KCNMA1: variants seen among roughly 807,000 people sequenced by gnomAD.
KCNMA1 encodes potassium calcium-activated channel subfamily M alpha 1, also known as Calcium-activated potassium channel subunit alpha-1.
KCNMA1 carries 29 observed loss-of-function variants against 140.0 expected under a neutral mutation model. The ratio of observed to expected loss-of-function variants is 0.21; its 90% confidence interval spans 0.15 to 0.28. The LOEUF is 0.28. KCNMA1 is among the 10% of genes least tolerant of loss of function. The pLI is 1.00. For synonymous variants in KCNMA1, 612 were observed against 611.9 expected (o/e 1.00, Z 0.00); for missense variants, 880 against 1,602.2 (o/e 0.55, Z 7.70).
chr10:77,382,990 G>GTATA (rs1401181000), intron 2 of KCNMA1, among the ~76,000 whole-genome samples: 4 of 42,600 alleles, frequency 9.4e-5, no homozygotes, highest in African/African-American at 7.0e-4. Flanking sequence ...GTGTGTGTGT[G>GTATA]TGTGTATATA....
chr10:76,974,339 G>T, intron 19 of KCNMA1: 13 of 506,040 alleles, frequency 2.6e-5, no homozygotes, highest in Middle Eastern at 3.5e-4. Context: ...TTTCCCTTTT[G>T]GTATTTTGCT....
intron 1 of KCNMA1, among the ~76,000 whole-genome samples, chr10:77,414,248 C>G (rs1015829387): frequency 6.6e-6 from 1 of 152,118 alleles, no homozygotes; most frequent in African/African-American, 2.4e-5. Flanking sequence ...GCTCTGTAAC[C>G]CTGGGCAAGT....
At chr10:77,190,963 C>G (rs1342063485) in intron 3 of KCNMA1, among the ~76,000 whole-genome samples, 2 of 152,128 alleles carry the variant, frequency 1.3e-5, no homozygotes, top group African/African-American at 4.8e-5. Flanking sequence ...ACTCTGAAGA[C>G]TCTTAATTAT....
chr10:77,448,813 G>T (rs1271907529), intron 1 of KCNMA1, among the ~76,000 whole-genome samples: 1 of 152,124 alleles, frequency 6.6e-6, no homozygotes, highest in Non-Finnish European at 1.5e-5. Context: ...TAACAGGCCG[G>T]GTGCAGTGCT....
intron 5 of KCNMA1, among the ~76,000 whole-genome samples, chr10:77,166,346 G>A (rs1251564553): frequency 6.6e-6 from 1 of 152,096 alleles, no homozygotes; most frequent in Admixed American, 6.6e-5. Context: ...TTTATCTGAT[G>A]CAACCTGTTT....
intron 18 of KCNMA1, among the ~76,000 whole-genome samples, chr10:77,006,696 T>C (rs750133805): frequency 1.3e-5 from 2 of 152,222 alleles, no homozygotes; most frequent in Non-Finnish European, 2.9e-5. Context: ...AATGACTGTA[T>C]TGTGGCTGAG....
chr10:76,887,979 T>C (rs1389169390), intron 27 of KCNMA1: 1 of 172,240 alleles, frequency 5.8e-6, no homozygotes, highest in Non-Finnish European at 1.3e-5. Flanking sequence ...TCTACTTTGG[T>C]GAGAGAATTT....
chr10:76,969,374 T>C (rs1157888867), intron 20 of KCNMA1, among the ~76,000 whole-genome samples: 2 of 143,882 alleles, frequency 1.4e-5, no homozygotes, highest in African/African-American at 5.1e-5. Context: ...ATTTCATAAT[T>C]AATATTGCTT....
chr10:77,141,744 T>C (rs2098175478), intron 5 of KCNMA1, among the ~76,000 whole-genome samples: 1 of 152,164 alleles, frequency 6.6e-6, no homozygotes, highest in Non-Finnish European at 1.5e-5. Context: ...ATTAAAAATA[T>C]AAACAGGAAA....
intron 18 of KCNMA1, among the ~76,000 whole-genome samples, chr10:77,004,121 AG>A (rs1490759371): frequency 6.6e-6 from 1 of 152,132 alleles, no homozygotes; most frequent in African/African-American, 2.4e-5. Flanking sequence ...TGCATAAAAA[AG>A]AAAACATGCT....
In KCNMA1 at chr10:77,426,274, T is replaced by C. The variant is rs78986057; in HGVS notation, c.379-22251A>G. Among the ~76,000 whole-genome samples, 591 of 152,238 alleles carry C rather than the reference T, an allele frequency of 3.9e-3. 2 individuals carry two copies. The highest frequency in any genetic ancestry group is 0.013 in the African/African-American group (550 of 41,508). On this transcript the variant is annotated intron_variant, in intron 1 of 27. Transcript: ENST00000286628. The stretch of plus-strand genomic sequence containing the variant: ...AGTCTTGCCTTGGTAAAGCTTTCTA[T>C]TGGGCACTCATATAAAGCTTATATG...
At chr10:77,082,002 CTTTTCTTTTTTTTTTTT>C (rs1450506136) in intron 12 of KCNMA1, among the ~76,000 whole-genome samples, 2,881 of 51,644 alleles carry the variant, frequency 0.056, 206 homozygotes, top group East Asian at 0.3. Context: ...TTCTTTTTTT[CTTTTCTTTTTTTTTTTT>C]TTTTTTTTTT....
At chr10:77,317,456 C>A (rs577649710) in intron 2 of KCNMA1, among the ~76,000 whole-genome samples, 3 of 152,140 alleles carry the variant, frequency 2.0e-5, no homozygotes, top group South Asian at 2.1e-4. Context: ...GTGGTTTCAT[C>A]GGGAGTGTTA....
intron 1 of KCNMA1, among the ~76,000 whole-genome samples, chr10:77,495,624 A>C (rs981451743): frequency 2.3e-4 from 35 of 152,232 alleles, no homozygotes; most frequent in African/African-American, 8.2e-4. Flanking sequence ...CATTCCCCTG[A>C]GAAGCCTGCG....
rs2049572901 is a variant in KCNMA1 at position 77,221,291 on chromosome 10, A to T, written c.602+29904T>A. ...TCACTCAAGCTTTTTCTCTAAAAAA[A>T]TTTAACGAATCTTCCCAAGACCCTA... On this transcript the variant is annotated intron_variant, in intron 3 of 27. Coordinates refer to ENST00000286628, the MANE Select transcript of KCNMA1 (RefSeq NM_001161352.2). Among the ~76,000 whole-genome samples the T allele has an allele frequency of 2.0e-5, 3 of 152,162 alleles. No individual in the cohort carries two copies. The South Asian group carries it at 6.2e-4, about 32-fold the overall frequency.
intron 5 of KCNMA1, among the ~76,000 whole-genome samples, chr10:77,163,455 G>A (rs141821862): frequency 1.3e-5 from 2 of 152,274 alleles, no homozygotes; most frequent in African/African-American, 4.8e-5. Context: ...AATGGAACTT[G>A]GGAACCCTTA....
intron 1 of KCNMA1, among the ~76,000 whole-genome samples, chr10:77,537,464 T>A (rs2154554212): frequency 2.0e-5 from 3 of 152,286 alleles, no homozygotes; most frequent in Admixed American, 2.0e-4. Context: ...GAACCAGGCC[T>A]GAGAAGGGCT....
chr10:77,621,123 T>C (rs1401824523), intron 1 of KCNMA1, among the ~76,000 whole-genome samples: 2 of 152,250 alleles, frequency 1.3e-5, no homozygotes, highest in Non-Finnish European at 1.5e-5. Flanking sequence ...GAGAGCCATA[T>C]TGAAATATAA....
At chr10:77,287,349 G>A (rs919616520) in intron 2 of KCNMA1, among the ~76,000 whole-genome samples, 7 of 152,218 alleles carry the variant, frequency 4.6e-5, no homozygotes, top group African/African-American at 1.7e-4. Flanking sequence ...AAGGGAGCCT[G>A]CATCAGGAAA....
Sources: gnomAD v4.1 joint callset for allele counts (sites outside exome capture counted in the v4.1 genomes callset) on GRCh38, gnomAD v4.1.1 for gene constraint, MANE v1.5 for transcripts, NCBI Gene and HGNC (gene_info 2026-07-23, HGNC 2026-07-21) for gene names.